NCAM1: variants seen among roughly 807,000 people sequenced by gnomAD.
NCAM1 encodes antigen recognized by monoclonal antibody 5.1H11.
Under a neutral mutation model 109.8 loss-of-function variants are expected in NCAM1, and 14 were observed. The ratio of observed to expected loss-of-function variants is 0.13; its 90% CI spans 0.08 to 0.20. The LOEUF is 0.20. Among genes scored for constraint, NCAM1 ranks in the 10% least tolerant of loss-of-function variants. NCAM1 has a pLI of 1.00. For missense variants in NCAM1, 774 were observed against 1,109.9 expected, an observed-to-expected ratio of 0.70 and a Z score of 4.30; for synonymous variants, 418 against 442.9, an observed-to-expected ratio of 0.94 and a Z score of 0.70.
At chr11:113,122,817 G>A (rs1380372614) in intron 1 of NCAM1, among the ~76,000 whole-genome samples, 3 of 152,076 alleles carry the variant, frequency 2.0e-5, no homozygotes, top group Non-Finnish European at 4.4e-5. Flanking sequence ...GGAACTCAGG[G>A]TTGTCTAGTT....
At chr11:113,199,615 A>T (rs1393228076) in intron 1 of NCAM1, among the ~76,000 whole-genome samples, 10 of 145,524 alleles carry the variant, frequency 6.9e-5, no homozygotes, top group African/African-American at 2.3e-4. Flanking sequence ...GGGGAACATC[A>T]CGCTCTGGGG....
intron 1 of NCAM1, among the ~76,000 whole-genome samples, chr11:113,080,139 GT>G (rs1212553425): frequency 4.6e-5 from 7 of 151,724 alleles, no homozygotes; most frequent in African/African-American, 1.7e-4. Context: ...ATAGGTTATC[GT>G]TTTTTTTCTA....
intron 1 of NCAM1, among the ~76,000 whole-genome samples, chr11:113,001,282 G>C (rs1555072385): frequency 6.6e-6 from 1 of 152,190 alleles, no homozygotes; most frequent in African/African-American, 2.4e-5. Context: ...GTTTCCTGGA[G>C]CATAGAAGTT....
At chr11:113,173,222 T>C in intron 1 of NCAM1, among the ~76,000 whole-genome samples, 1 of 152,164 alleles carries the variant, frequency 6.6e-6, no homozygotes, top group East Asian at 1.9e-4. Context: ...ACCACAAAGC[T>C]TTTTGTCTCT....
intron 17 of NCAM1, chr11:113,264,246 CTGT>C (rs1591471493): frequency 1.0e-6 from 1 of 984,744 alleles, no homozygotes; most frequent in Admixed American, 6.2e-5. Context: ...GTATTTTTTT[CTGT>C]TGTTATTATT....
At position 113,007,042 on chromosome 11, in the gene NCAM1, GA is replaced by G. The variant is rs1389591896; in HGVS notation, c.52+45381del. ...CACATTTTTAAGAGTACAGAAATTC[GA>G]AACCTGCTCCCCTTCCTTCTCCCTT... On this transcript the variant is annotated intron_variant, in intron 1 of 19. Coordinates refer to ENST00000316851, the MANE Select transcript of NCAM1 (RefSeq NM_181351.5). 9.2e-5 allele frequency among the ~76,000 whole-genome samples: 14 copies of G among 152,264 alleles called. 2 individuals are homozygous for G. The South Asian group carries it at 2.9e-3, about 32-fold the overall frequency.
At chr11:113,171,358 A>G (rs1450909586) in intron 1 of NCAM1, among the ~76,000 whole-genome samples, 1 of 152,174 alleles carries the variant, frequency 6.6e-6, no homozygotes, top group Non-Finnish European at 1.5e-5. Flanking sequence ...TTTCCTGGGC[A>G]TGGTGGCTCA....
At chr11:113,087,194 G>A (rs912716571) in intron 1 of NCAM1, among the ~76,000 whole-genome samples, 1 of 152,184 alleles carries the variant, frequency 6.6e-6, no homozygotes, top group Non-Finnish European at 1.5e-5. Context: ...TAATGCATAT[G>A]AGAATCACAG....
intron 1 of NCAM1, among the ~76,000 whole-genome samples, chr11:113,089,774 T>C (rs1219172209): frequency 1.3e-5 from 2 of 152,192 alleles, no homozygotes; most frequent in African/African-American, 4.8e-5. Context: ...AAGATGAAGA[T>C]ACATAATAAT....
chr11:113,036,560 C>T (rs1266082664), intron 1 of NCAM1, among the ~76,000 whole-genome samples: 1 of 152,068 alleles, frequency 6.6e-6, no homozygotes, highest in Non-Finnish European at 1.5e-5. Flanking sequence ...GCCTTCCCTC[C>T]GGGTCATTGT....
intron 1 of NCAM1, among the ~76,000 whole-genome samples, chr11:113,117,864 G>T (rs1555095223): frequency 6.6e-6 from 1 of 151,868 alleles, no homozygotes; most frequent in Non-Finnish European, 1.5e-5. Context: ...TTTGAGGGGA[G>T]GAGGAAAAAG....
intron 1 of NCAM1, among the ~76,000 whole-genome samples, chr11:113,027,302 T>C (rs1224392947): frequency 1.3e-5 from 2 of 152,220 alleles, no homozygotes; most frequent in Non-Finnish European, 2.9e-5. Context: ...AGCATGTAAG[T>C]GGAAATGGCT....
In NCAM1 at chr11:113,195,910, G is replaced by GGTGTGTGTGT. The variant is rs58873545; in HGVS notation, c.53-6450_53-6441dup. ...CATTGGGAATTTTGTTTGTTTGCAG[G>GGTGTGTGTGT]GTGTGTGTGTGTGTGTGTGTGTGTG... is the stretch of plus-strand genomic sequence containing the variant. On this transcript the variant is annotated intron_variant, in intron 1 of 19. Transcript: ENST00000316851. Among the ~76,000 whole-genome samples, 132 of 148,500 alleles carry GGTGTGTGTGT rather than the reference G, an allele frequency of 8.9e-4. 1 individual carries two copies. Among genetic ancestry groups the GGTGTGTGTGT allele is most frequent in the African/African-American group, 2.6e-3 (107 of 40,434 alleles).
intron 14 of NCAM1, chr11:113,240,439 A>G (rs1945287832): frequency 3.4e-6 from 1 of 295,748 alleles, no homozygotes; most frequent in African/African-American, 2.2e-5. Context: ...ACTGAGGTCC[A>G]GATTCCTTTT....
intron 1 of NCAM1, among the ~76,000 whole-genome samples, chr11:113,169,034 TTCTG>T (rs1279381892): frequency 8.4e-6 from 1 of 118,576 alleles, no homozygotes; most frequent in Non-Finnish European, 1.7e-5. Flanking sequence ...CTCTTCCTCT[TTCTG>T]TGTGTGTGTG....
At chr11:113,022,656 G>A (rs1555076441) in intron 1 of NCAM1, among the ~76,000 whole-genome samples, 1 of 152,170 alleles carries the variant, frequency 6.6e-6, no homozygotes, top group Non-Finnish European at 1.5e-5. Context: ...TATAATGATG[G>A]CTTCAACAAG....
At chr11:113,110,846 G>T (rs1349924381) in intron 1 of NCAM1, among the ~76,000 whole-genome samples, 3 of 152,122 alleles carry the variant, frequency 2.0e-5, no homozygotes, top group African/African-American at 2.4e-5. Flanking sequence ...ATTGGGATAG[G>T]TCCTTTCCTA....
intron 1 of NCAM1, among the ~76,000 whole-genome samples, chr11:113,153,737 G>A (rs1032629283): frequency 5.9e-5 from 9 of 152,214 alleles, no homozygotes; most frequent in Admixed American, 5.2e-4. Context: ...ACAGGTGGCA[G>A]TGAGGGTAAT....
intron 1 of NCAM1, among the ~76,000 whole-genome samples, chr11:113,169,066 G>C (rs61523364): frequency 1.5e-5 from 2 of 133,804 alleles, no homozygotes; most frequent in African/African-American, 3.1e-5. Context: ...GTGTGTGTGT[G>C]TGTGTCTGTG....
Sources: gnomAD v4.1 joint callset for allele counts (sites outside exome capture counted in the v4.1 genomes callset) on GRCh38, gnomAD v4.1.1 for gene constraint, MANE v1.5 for transcripts, NCBI Gene and HGNC (gene_info 2026-07-23, HGNC 2026-07-21) for gene names.